RGS5: variants seen among roughly 807,000 people sequenced by gnomAD.
RGS5 encodes the protein regulator of G protein signaling 5.
Under a neutral mutation model 18.9 loss-of-function variants are expected in RGS5, and 20 were observed. That is an observed-to-expected ratio of 1.06 (90% CI 0.74 to 1.54). The LOEUF (loss-of-function observed/expected upper bound fraction) is 1.54. Ranked by LOEUF, RGS5 falls within the 40% of genes most tolerant of loss-of-function variation. The pLI, the probability that RGS5 is intolerant of heterozygous loss-of-function variation, is 0.00. For synonymous variants in RGS5, 57 were observed against 76.2 expected, an observed-to-expected ratio of 0.75 and a Z score of 1.31; for missense variants, 201 against 211.8, an observed-to-expected ratio of 0.95 and a Z score of 0.32.
At chr1:163,309,395 C>A (rs562398889) in intron 1 of RGS5, among the ~76,000 whole-genome samples, 2 of 152,180 alleles carry the variant, frequency 1.3e-5, no homozygotes, top group African/African-American at 4.8e-5. Flanking sequence ...TCAAACCCTG[C>A]CACTGCTTTA....
chr1:163,279,559 C>T (rs1648939703), intron 2 of RGS5, among the ~76,000 whole-genome samples: 3 of 151,874 alleles, frequency 2.0e-5, no homozygotes, highest in African/African-American at 7.2e-5. Flanking sequence ...TAAACAACTA[C>T]ATCAAAAAAA....
At position 163,294,638 on chromosome 1, in the gene RGS5, T is replaced by C. The variant is rs184453680; in HGVS notation, c.-281+11595A>G. ...TATTAACATTTGGCTCCTGATTACT[T>C]ATGCAAATTTCTGTAATAGGCTTGA... is the stretch of plus-strand genomic sequence containing the variant. On this transcript the variant is annotated intron_variant, in intron 2 of 5. Coordinates refer to the RGS5 transcript ENST00000618415. Among the ~76,000 whole-genome samples, 125 of 152,344 alleles carry C rather than the reference T, an allele frequency of 8.2e-4. 2 individuals are homozygous for C. In the East Asian group the frequency reaches 0.021, roughly 25 times the overall value.
At chr1:163,276,946 T>C (rs1190460438) in intron 2 of RGS5, among the ~76,000 whole-genome samples, 1 of 152,184 alleles carries the variant, frequency 6.6e-6, no homozygotes, top group East Asian at 1.9e-4. Flanking sequence ...GAGTCAGACA[T>C]GCTTCATTAT....
upstream of RGS5, among the ~76,000 whole-genome samples, chr1:163,217,941 G>C (rs1303474858): frequency 6.6e-6 from 1 of 152,096 alleles, no homozygotes; most frequent in Non-Finnish European, 1.5e-5. Context: ...GTAGGACATG[G>C]AGCCATGAGG....
In RGS5 at chr1:163,161,964, G is replaced by T. The variant is rs777324995; in HGVS notation, c.168C>A (p.Asp56Glu). The T allele has an allele frequency of 6.2e-7, 1 of 1,612,884 alleles. No individual in the cohort carries two copies. Among genetic ancestry groups the T allele is most frequent in the South Asian group, 1.1e-5 (1 of 91,062 alleles). Residue 56 changes from aspartate to glutamate, a missense_variant, in exon 3 of 5, where the codon GAC becomes GAA. Transcript: ENST00000313961. The part of the protein sequence containing the change: ...KPAKTQKTSL[D>E]EALQWRDSLD... ...GGGAATCACGCCACTGCAGGGCCTC[G>T]TCCAGCGAGGTTCTACATCAATAAT...
chr1:163,168,096 G>GA (rs1012108352), intron 2 of RGS5, among the ~76,000 whole-genome samples, 162 bp downstream of exon 2: 59 of 144,476 alleles, frequency 4.1e-4, no homozygotes, highest in East Asian at 8.0e-4. Flanking sequence ...AGATAGTTGA[G>GA]AAAAAAAAAA....
chr1:163,219,100 G>A (rs1660278465), upstream of RGS5, among the ~76,000 whole-genome samples: 4 of 146,990 alleles, frequency 2.7e-5, no homozygotes, highest in Admixed American at 1.4e-4. Context: ...TATATTTTAT[G>A]TATTTGTCTT....
At chr1:163,268,530 G>A (rs1314242431) in intron 2 of RGS5, among the ~76,000 whole-genome samples, 1 of 151,996 alleles carries the variant, frequency 6.6e-6, no homozygotes, top group Non-Finnish European at 1.5e-5. Context: ...CCCAGCATAT[G>A]TGCCTTGGAT....
rs565081590 is a variant in RGS5 at position 163,153,261 on chromosome 1, G to A, written c.218-545C>T. On this transcript the variant is annotated intron_variant, in intron 3 of 4. Coordinates refer to ENST00000313961, the MANE Select transcript of RGS5 (RefSeq NM_003617.4). ...TTAAGTCACCACGATAAGTAAAATAGACATGGTTCCTGTCCTAATGGAGCT... is the reference window on the plus strand; with the variant it reads ...TTAAGTCACCACGATAAGTAAAATAAACATGGTTCCTGTCCTAATGGAGCT... 3.9e-5 allele frequency among the ~76,000 whole-genome samples: 6 copies of A among 152,222 alleles called. No homozygotes were observed. The South Asian group carries it at 8.3e-4, about 21-fold the overall frequency.
intron 1 of RGS5, among the ~76,000 whole-genome samples, chr1:163,209,535 C>A (rs1200227637): frequency 6.6e-6 from 1 of 152,138 alleles, no homozygotes; most frequent in African/African-American, 2.4e-5. Context: ...TTGTTTGAGT[C>A]TACTTGTGTA....
At chr1:163,275,312 C>T (rs1648825914) in intron 2 of RGS5, among the ~76,000 whole-genome samples, 1 of 151,866 alleles carries the variant, frequency 6.6e-6, no homozygotes, top group Admixed American at 6.6e-5. Flanking sequence ...TTCTTAGTGC[C>T]CCCAGGTTTA....
chr1:163,301,389 G>A (rs1425976082), intron 2 of RGS5, among the ~76,000 whole-genome samples: 2 of 151,962 alleles, frequency 1.3e-5, no homozygotes, highest in Non-Finnish European at 2.9e-5. Flanking sequence ...CTGGAGTGCA[G>A]TGGCACCATC....
chr1:163,257,531 T>G (rs1648305941), intron 2 of RGS5, among the ~76,000 whole-genome samples: 1 of 152,204 alleles, frequency 6.6e-6, no homozygotes, highest in Non-Finnish European at 1.5e-5. Flanking sequence ...ATGTTACTAC[T>G]TTTTTCACAC....
intron 1 of RGS5, among the ~76,000 whole-genome samples, chr1:163,169,899 G>T (rs1484049138): frequency 1.3e-5 from 2 of 152,058 alleles, no homozygotes; most frequent in Non-Finnish European, 2.9e-5. Flanking sequence ...AGTACTAATT[G>T]CCAAACAACA....
intron 1 of RGS5, among the ~76,000 whole-genome samples, chr1:163,210,176 T>G (rs976670473): frequency 3.3e-5 from 5 of 152,154 alleles, no homozygotes; most frequent in Admixed American, 3.3e-4. Context: ...TCGTATTTTT[T>G]GGGGTACAGA....
At chr1:163,173,866 G>A (rs143968041) in intron 1 of RGS5, among the ~76,000 whole-genome samples, 19 of 152,186 alleles carry the variant, frequency 1.2e-4, no homozygotes, top group East Asian at 1.2e-3. Flanking sequence ...ATGAGGTCAC[G>A]CATTCAAGAC....
chr1:163,246,094 G>A (rs1033679228), intron 2 of RGS5, among the ~76,000 whole-genome samples: 1 of 151,974 alleles, frequency 6.6e-6, no homozygotes, highest in East Asian at 1.9e-4. Context: ...GCGGGCACCT[G>A]CAGTCCCAGC....
chr1:163,271,445 G>C (rs1233054688), intron 2 of RGS5, among the ~76,000 whole-genome samples: 2 of 152,122 alleles, frequency 1.3e-5, no homozygotes, highest in Non-Finnish European at 2.9e-5. Context: ...GATACTAGTT[G>C]ATGGCCATCT....
At chr1:163,202,500 C>G (rs900434607) in intron 1 of RGS5, among the ~76,000 whole-genome samples, 7 of 152,142 alleles carry the variant, frequency 4.6e-5, no homozygotes, top group African/African-American at 1.7e-4. Context: ...CTTAACCATA[C>G]AGTTTTTACT....
Sources: allele counts gnomAD v4.1 joint callset (sites outside exome capture counted in the v4.1 genomes callset), GRCh38; gene constraint gnomAD v4.1.1; transcripts MANE v1.5; gene names NCBI Gene and HGNC (gene_info 2026-07-23, HGNC 2026-07-21).